Variants in BBS9 observed in about 807,000 individuals in gnomAD.
BBS9 encodes the protein Bardet-Biedl syndrome 9.
Under a neutral mutation model 117.7 loss-of-function variants are expected in BBS9, and 89 were observed. The ratio of observed to expected loss-of-function variants is 0.76; its 90% CI spans 0.64 to 0.90. The LOEUF (loss-of-function observed/expected upper bound fraction) is 0.90. BBS9 is among the 40% of genes least tolerant of loss of function. The pLI, the probability that BBS9 is intolerant of heterozygous loss-of-function variation, is 0.00. For missense variants in BBS9, 982 were observed against 1,042.2 expected (o/e 0.94, Z 0.80); for synonymous variants, 379 against 370.9 (o/e 1.02, Z -0.25).
At chr7:33,308,089 T>A (rs899654636) in intron 9 of BBS9, among the ~76,000 whole-genome samples, 2 of 152,214 alleles carry the variant, frequency 1.3e-5, no homozygotes, top group Admixed American at 6.5e-5. Context: ...TGAATAGATG[T>A]CATCTTCTGA....
intron 19 of BBS9, among the ~76,000 whole-genome samples, chr7:33,460,367 G>C (rs989759424): frequency 6.6e-6 from 1 of 152,022 alleles, no homozygotes; most frequent in Non-Finnish European, 1.5e-5. Context: ...GCCCATAATT[G>C]ATTGACGTAA....
intron 21 of BBS9, among the ~76,000 whole-genome samples, chr7:33,624,182 C>G (rs756325837): frequency 6.6e-6 from 1 of 152,044 alleles, no homozygotes; most frequent in Non-Finnish European, 1.5e-5. Context: ...ACTTTATTTC[C>G]CTTGGTTTAA....
intron 9 of BBS9, among the ~76,000 whole-genome samples, chr7:33,297,958 T>C (rs1805610141): frequency 6.6e-6 from 1 of 152,120 alleles, no homozygotes; most frequent in African/African-American, 2.4e-5. Context: ...TTTCATTGGG[T>C]AGAAATTTTA....
chr7:33,627,454 G>C (rs1865695428), intron 21 of BBS9, among the ~76,000 whole-genome samples: 1 of 152,194 alleles, frequency 6.6e-6, no homozygotes. Context: ...AAAGTCCCCA[G>C]TGGGGCACTG....
chr7:33,611,760 TATATA>T (rs947542173), intron 21 of BBS9, among the ~76,000 whole-genome samples: 19 of 137,934 alleles, frequency 1.4e-4, no homozygotes, highest in African/African-American at 5.0e-4. Flanking sequence ...TATATAATAT[TATATA>T]ATATTATTAT....
chr7:33,355,537 A>G (rs1435555425), intron 15 of BBS9, among the ~76,000 whole-genome samples: 1 of 151,912 alleles, frequency 6.6e-6, no homozygotes, highest in East Asian at 1.9e-4. Context: ...TAATCATTTT[A>G]TTAAGTATGA....
At chr7:33,635,707 A>G (rs1866108572), downstream of BBS9, among the ~76,000 whole-genome samples, 1 of 152,176 alleles carries the variant, frequency 6.6e-6, no homozygotes. Context: ...TTTTCTTTCA[A>G]CTGTTCATTT....
chr7:33,537,219 A>T (rs1851584343), intron 21 of BBS9, among the ~76,000 whole-genome samples: 1 of 152,186 alleles, frequency 6.6e-6, no homozygotes. Flanking sequence ...ATCTCAGAAT[A>T]AAAAACCTTT....
At chr7:33,566,610 A>T (rs1856965600) in intron 21 of BBS9, among the ~76,000 whole-genome samples, 1 of 152,122 alleles carries the variant, frequency 6.6e-6, no homozygotes, top group Non-Finnish European at 1.5e-5. Context: ...TGCTTTTCAA[A>T]TTTAAATGCC....
rs190630691 is a variant in BBS9 at position 33,162,842 on chromosome 7, C to T, written c.328+7140C>T. Among the ~76,000 whole-genome samples, 649 of 152,166 alleles carry T rather than the reference C, an allele frequency of 4.3e-3. 3 individuals carry two copies. Among genetic ancestry groups the T allele is most frequent in the Middle Eastern group, 0.01 (3 of 294 alleles). On this transcript the variant is annotated intron_variant, in intron 4 of 22. Transcript: ENST00000242067. The stretch of plus-strand genomic sequence containing the variant: ...TTATTTCTTTCTCTTGCCTGATTGC[C>T]CTGGCCAGAACTTCCAACACTATGT...
intron 19 of BBS9, among the ~76,000 whole-genome samples, chr7:33,418,060 G>A (rs1032539447): frequency 2.6e-5 from 4 of 152,206 alleles, no homozygotes; most frequent in Admixed American, 1.3e-4. Context: ...AGCATGCCTA[G>A]TATAGGGTAG....
At chr7:33,450,582 A>G (rs555725129) in intron 19 of BBS9, among the ~76,000 whole-genome samples, 1 of 152,224 alleles carries the variant, frequency 6.6e-6, no homozygotes, top group African/African-American at 2.4e-5. Flanking sequence ...GGGTGAGGTG[A>G]TAGCTCTTTG....
intron 21 of BBS9, among the ~76,000 whole-genome samples, chr7:33,618,612 T>C (rs941012634): frequency 3.9e-4 from 59 of 152,168 alleles, no homozygotes; most frequent in African/African-American, 1.4e-3. Context: ...CCCAACACTT[T>C]GGAAGCCTGA....
chr7:33,523,223 T>C (rs1339502073), intron 20 of BBS9, among the ~76,000 whole-genome samples: 1 of 148,448 alleles, frequency 6.7e-6, no homozygotes, highest in African/African-American at 2.5e-5. Flanking sequence ...ATTGCCTTGG[T>C]GATGCGGGCT....
In BBS9 at chr7:33,408,428, C is replaced by T. The variant is rs191023891; in HGVS notation, c.2115+20284C>T. 4.8e-4 allele frequency among the ~76,000 whole-genome samples: 73 copies of T among 152,258 alleles called. 1 individual carries two copies. Among genetic ancestry groups the T allele is most frequent in the Admixed American group, 4.7e-3 (72 of 15,296 alleles). Reference sequence around the variant, plus strand: ...GCCTCACCCTGCTTTCGCTGGTGCACGGTGTGCTGCACCCACTCTCCTGCG... The same window carrying T: ...GCCTCACCCTGCTTTCGCTGGTGCATGGTGTGCTGCACCCACTCTCCTGCG... On this transcript the variant is annotated intron_variant, in intron 19 of 22. Coordinates refer to ENST00000242067, the MANE Select transcript of BBS9 (RefSeq NM_198428.3).
At chr7:33,414,181 A>G (rs1372892216) in intron 19 of BBS9, among the ~76,000 whole-genome samples, 1 of 152,218 alleles carries the variant, frequency 6.6e-6, no homozygotes, top group Non-Finnish European at 1.5e-5. Flanking sequence ...ATCAGTTAGT[A>G]GTAATTTCCC....
At chr7:33,366,030 A>G (rs1198656693) in intron 16 of BBS9, among the ~76,000 whole-genome samples, 2 of 152,186 alleles carry the variant, frequency 1.3e-5, no homozygotes, top group African/African-American at 4.8e-5. Context: ...AAGTATGCAC[A>G]TTCATGAAGT....
chr7:33,248,075 A>G (rs919915387), intron 5 of BBS9, among the ~76,000 whole-genome samples: 11 of 152,216 alleles, frequency 7.2e-5, no homozygotes, highest in African/African-American at 2.7e-4. Flanking sequence ...ATGTCAAAAG[A>G]CAAGTTCATA....
intron 9 of BBS9, among the ~76,000 whole-genome samples, chr7:33,280,578 T>G (rs78591345): frequency 0.029 from 4,374 of 151,680 alleles, 190 homozygotes; most frequent in African/African-American, 0.1. Flanking sequence ...GTTGATGAAC[T>G]ACTATTTGAC....
Sources: gnomAD v4.1 joint callset for allele counts (sites outside exome capture counted in the v4.1 genomes callset) on GRCh38, gnomAD v4.1.1 for gene constraint, MANE v1.5 for transcripts, NCBI Gene and HGNC (gene_info 2026-07-23, HGNC 2026-07-21) for gene names.